The following PTBP2 variants were observed in gnomAD, a reference collection of about 807,000 sequenced individuals.
PTBP2 encodes the protein polypyrimidine tract binding protein 2.
Under a neutral mutation model 61.4 loss-of-function variants are expected in PTBP2, and 13 were observed. The ratio of observed to expected loss-of-function variants is 0.21; its 90% CI spans 0.14 to 0.34. The LOEUF (loss-of-function observed/expected upper bound fraction) is 0.34, where lower values mean the gene tolerates loss of function less well. PTBP2 is among the 10% of genes least tolerant of loss of function. PTBP2 has a pLI of 1.00. For synonymous variants in PTBP2, 215 were observed against 218.5 expected (o/e 0.98, Z 0.14); for missense variants, 405 against 642.6 (o/e 0.63, Z 4.00).
chr1:96,777,538 G>T (rs369616107), intron 5 of PTBP2, 47 bp from the exon 6 acceptor site: 28 of 1,529,182 alleles, frequency 1.8e-5, no homozygotes, highest in Non-Finnish European at 2.5e-5. Flanking sequence ...TGCAAAGTAT[G>T]TGACAATAAT....
At position 96,744,672 on chromosome 1, in the gene PTBP2, A is replaced by C. The variant is rs935897683; in HGVS notation, c.40-6753A>C. Among the ~76,000 whole-genome samples, 3 of 152,146 alleles carry C rather than the reference A, an allele frequency of 2.0e-5. No homozygotes were observed. In the East Asian group the frequency reaches 5.8e-4, roughly 29 times the overall value. The stretch of plus-strand genomic sequence containing the variant: ...TTTCTTGTAGGTGATAGTATTGGCT[A>C]TCTATGTAGTGTCTTAAGTTCTTTA... On this transcript the variant is annotated intron_variant, in intron 2 of 13. Coordinates refer to ENST00000674951, the MANE Select transcript of PTBP2 (RefSeq NM_021190.4).
At chr1:96,773,855 C>T (rs1423918742) in intron 5 of PTBP2, among the ~76,000 whole-genome samples, 5 of 150,252 alleles carry the variant, frequency 3.3e-5, no homozygotes, top group South Asian at 2.1e-4. Flanking sequence ...CCCAGCTACT[C>T]GGGAGGCTGA....
chr1:96,787,973 A>C (rs1483053385), intron 8 of PTBP2, among the ~76,000 whole-genome samples: 1 of 152,132 alleles, frequency 6.6e-6, no homozygotes, highest in Non-Finnish European at 1.5e-5. Flanking sequence ...CTTTATTTGC[A>C]AATTTCTTCA....
chr1:96,781,367 A>G (rs919749564), intron 7 of PTBP2, among the ~76,000 whole-genome samples: 2 of 152,094 alleles, frequency 1.3e-5, no homozygotes, highest in Non-Finnish European at 2.9e-5. Context: ...TGTCCTTGCA[A>G]TAAAGTCCAC....
chr1:96,819,979 T>TATA (rs1264404092), downstream of PTBP2: 4 of 151,990 alleles, frequency 2.6e-5, no homozygotes. Context: ...ATTGCTATAG[T>TATA]TGTCTTTGCC....
At chr1:96,724,314 G>C (rs913425872) in intron 2 of PTBP2, among the ~76,000 whole-genome samples, 1 of 151,966 alleles carries the variant, frequency 6.6e-6, no homozygotes, top group East Asian at 1.9e-4. Flanking sequence ...GCAGTGGCAC[G>C]ATCTTGGCCC....
At chr1:96,723,527 T>A in intron 1 of PTBP2, 37 bp from the exon 2 acceptor site, 1 of 1,556,088 alleles carries the variant, frequency 6.4e-7, no homozygotes, top group Non-Finnish European at 8.8e-7. Flanking sequence ...ATTAGAAGAA[T>A]AACAGGAGGT....
chr1:96,757,045 T>A (rs935989043), intron 3 of PTBP2, among the ~76,000 whole-genome samples: 3 of 152,172 alleles, frequency 2.0e-5, no homozygotes, highest in African/African-American at 7.2e-5. Flanking sequence ...ATCTCTCTGC[T>A]TTCCTCTCCA....
intron 2 of PTBP2, among the ~76,000 whole-genome samples, chr1:96,747,273 T>C (rs1653963028): frequency 6.6e-6 from 1 of 152,150 alleles, no homozygotes. Flanking sequence ...CTGGAAGTCT[T>C]GAAGGCAATC....
At chr1:96,794,766 T>C (rs75515682) in intron 8 of PTBP2, among the ~76,000 whole-genome samples, 1,740 of 152,250 alleles carry the variant, frequency 0.011, 38 homozygotes, top group African/African-American at 0.04. Flanking sequence ...AAATGAGTGA[T>C]CCATCAACAA....
intron 3 of PTBP2, among the ~76,000 whole-genome samples, chr1:96,760,440 CTTTTTTTTTTTTT>C (rs989047792): frequency 2.4e-5 from 2 of 83,078 alleles, no homozygotes; most frequent in South Asian, 4.4e-4. Flanking sequence ...AAATAGTTTG[CTTTTTTTTTTTTT>C]TTTTTTTTTT....
chr1:96,811,658 C>T (rs776880144), intron 11 of PTBP2, among the ~76,000 whole-genome samples: 3 of 152,096 alleles, frequency 2.0e-5, no homozygotes, highest in South Asian at 2.1e-4. Context: ...CCTTGTGATC[C>T]GCCCACCTCA....
chr1:96,726,199 T>C (rs2100781919), intron 2 of PTBP2, among the ~76,000 whole-genome samples: 1 of 151,746 alleles, frequency 6.6e-6, no homozygotes, highest in African/African-American at 2.4e-5. Flanking sequence ...AAATTATTAA[T>C]TTATATATTA....
Position 96,723,771 on chromosome 1 carries a change from C to G in PTBP2, c.39+177C>G, listed in dbSNP as rs563766701. On this transcript the variant is annotated intron_variant, in intron 2 of 13. Coordinates refer to ENST00000674951, the MANE Select transcript of PTBP2 (RefSeq NM_021190.4). ...CAGTTTGTAATCACCATAAGTTTTT[C>G]TAGAACTGTCAGTCTGTAAGAATAA... is the stretch of plus-strand genomic sequence containing the variant. Among the ~76,000 whole-genome samples the G allele has an allele frequency of 5.3e-5, 8 of 152,246 alleles. No individual in the cohort carries two copies. The East Asian group carries it at 1.5e-3, about 29-fold the overall frequency.
At chr1:96,756,616 A>G (rs539702080) in intron 3 of PTBP2, among the ~76,000 whole-genome samples, 6,798 of 152,218 alleles carry the variant, frequency 0.045, 461 homozygotes, top group African/African-American at 0.15. Flanking sequence ...ATCAGCACTA[A>G]ATGGAAATGA....
At chr1:96,815,728 A>G (rs1484856109), downstream of PTBP2, 1 of 152,218 alleles carries the variant, frequency 6.6e-6, no homozygotes, top group Non-Finnish European at 1.5e-5. Context: ...AAAGAAGAAT[A>G]TAATAAGTAA....
intron 2 of PTBP2, among the ~76,000 whole-genome samples, chr1:96,743,548 G>A (rs1405993404): frequency 6.6e-6 from 1 of 151,608 alleles, no homozygotes; most frequent in Non-Finnish European, 1.5e-5. Context: ...TGCAAAAGTG[G>A]CGCTATTCTT....
intron 2 of PTBP2, among the ~76,000 whole-genome samples, chr1:96,723,855 T>A (rs1175250266): frequency 6.6e-6 from 1 of 152,226 alleles, no homozygotes; most frequent in Non-Finnish European, 1.5e-5. Flanking sequence ...CATGGCTTCT[T>A]GTAATATAAA....
intron 2 of PTBP2, among the ~76,000 whole-genome samples, chr1:96,748,312 A>T (rs1359781766): frequency 6.6e-6 from 1 of 152,236 alleles, no homozygotes; most frequent in African/African-American, 2.4e-5. Flanking sequence ...GATACATGGT[A>T]TTAATAGTTG....
Sources: gnomAD v4.1 joint callset for allele counts (sites outside exome capture counted in the v4.1 genomes callset) on GRCh38, gnomAD v4.1.1 for gene constraint, MANE v1.5 for transcripts, NCBI Gene and HGNC (gene_info 2026-07-23, HGNC 2026-07-21) for gene names.